Variants in SORBS2 observed in about 807,000 individuals in gnomAD.
SORBS2 encodes sorbin and SH3 domain containing 2, also known as sorbin and SH3 domain-containing protein 2.
A neutral mutation model predicts 97.7 loss-of-function variants in SORBS2; 46 were observed. The observed-to-expected ratio is 0.47, with a 90% CI of 0.37 to 0.60. The LOEUF (loss-of-function observed/expected upper bound fraction) is 0.60. Ranked by LOEUF, SORBS2 falls within the 20% of genes least tolerant of loss-of-function variation. The pLI is 0.00. For missense variants in SORBS2, 1,316 were observed against 1,282.3 expected, an observed-to-expected ratio of 1.03 and a Z score of -0.40; for synonymous variants, 476 against 473.4, an observed-to-expected ratio of 1.01 and a Z score of -0.07.
chr4:185,600,635 G>C (rs536810425), intron 12 of SORBS2, among the ~76,000 whole-genome samples: 2 of 152,122 alleles, frequency 1.3e-5, no homozygotes, highest in Non-Finnish European at 2.9e-5. Flanking sequence ...CACTGCGCCC[G>C]GCCAAGAAAT....
chr4:185,863,435 T>A (rs2099225019), intron 1 of SORBS2, among the ~76,000 whole-genome samples: 1 of 152,248 alleles, frequency 6.6e-6, no homozygotes, highest in Non-Finnish European at 1.5e-5. Flanking sequence ...CTATCTCCAA[T>A]TCAATATACT....
chr4:185,951,613 G>T (rs2099277265), intron 1 of SORBS2, among the ~76,000 whole-genome samples: 1 of 151,668 alleles, frequency 6.6e-6, no homozygotes, highest in Non-Finnish European at 1.5e-5. Flanking sequence ...ACTTGCTTGG[G>T]CATAAACACA....
At chr4:185,864,939 C>G (rs921491745) in intron 1 of SORBS2, among the ~76,000 whole-genome samples, 2 of 149,464 alleles carry the variant, frequency 1.3e-5, no homozygotes, top group Admixed American at 6.6e-5. Flanking sequence ...AAAAGCATAT[C>G]CTGGACGGTG....
At chr4:185,925,934 G>T (rs540619268) in intron 1 of SORBS2, among the ~76,000 whole-genome samples, 68 of 152,356 alleles carry the variant, frequency 4.5e-4, no homozygotes, top group Middle Eastern at 3.4e-3. Flanking sequence ...AAGCTGAGAG[G>T]TCAAAGATAA....
chr4:185,690,841 G>GT (rs1483685339), intron 2 of SORBS2, among the ~76,000 whole-genome samples: 19 of 151,956 alleles, frequency 1.3e-4, no homozygotes, highest in Admixed American at 5.2e-4. Context: ...TTATGCTTTT[G>GT]TTTAATGGTG....
At chr4:185,934,375 A>G (rs1487056131) in intron 1 of SORBS2, among the ~76,000 whole-genome samples, 2 of 152,224 alleles carry the variant, frequency 1.3e-5, no homozygotes, top group African/African-American at 4.8e-5. Context: ...CAGAATGAAG[A>G]CACCCTTCTA....
At chr4:185,869,490 C>T (rs536637427) in intron 1 of SORBS2, among the ~76,000 whole-genome samples, 1 of 152,342 alleles carries the variant, frequency 6.6e-6, no homozygotes, top group East Asian at 1.9e-4. Flanking sequence ...TTGGCTCCTA[C>T]CAGATGGCTG....
chr4:185,918,861 T>C (rs558707314), intron 1 of SORBS2, among the ~76,000 whole-genome samples: 2 of 152,336 alleles, frequency 1.3e-5, no homozygotes, highest in African/African-American at 4.8e-5. Flanking sequence ...GATTTACAGT[T>C]TCCACGTATG....
intron 1 of SORBS2, among the ~76,000 whole-genome samples, chr4:185,818,235 G>C (rs1458719243): frequency 1.3e-5 from 2 of 152,146 alleles, no homozygotes; most frequent in African/African-American, 2.4e-5. Context: ...TGTCGTCCAG[G>C]CTGGAGTGCA....
At chr4:185,740,696 A>C (rs1336462706) in intron 2 of SORBS2, among the ~76,000 whole-genome samples, 1 of 152,072 alleles carries the variant, frequency 6.6e-6, no homozygotes. Flanking sequence ...AACTCAGCCC[A>C]ACATTAACTC....
intron 1 of SORBS2, among the ~76,000 whole-genome samples, chr4:185,913,220 G>A (rs1345352584): frequency 6.6e-6 from 1 of 152,158 alleles, no homozygotes; most frequent in African/African-American, 2.4e-5. Context: ...GTTATGTCCT[G>A]TTACATAAAC....
intron 2 of SORBS2, among the ~76,000 whole-genome samples, chr4:185,739,312 A>G (rs1329078005): frequency 6.6e-6 from 1 of 152,258 alleles, no homozygotes; most frequent in African/African-American, 2.4e-5. Flanking sequence ...TAATAGCTAT[A>G]CACCTAAAAT....
intron 1 of SORBS2, among the ~76,000 whole-genome samples, chr4:185,846,959 G>A (rs1362116363): frequency 6.6e-6 from 1 of 152,118 alleles, no homozygotes; most frequent in African/African-American, 2.4e-5. Context: ...AACACCTTTG[G>A]TAGATGAGGA....
chr4:185,914,948 C>A (rs1348130847), intron 1 of SORBS2, among the ~76,000 whole-genome samples: 1 of 152,170 alleles, frequency 6.6e-6, no homozygotes, highest in Non-Finnish European at 1.5e-5. Flanking sequence ...TGGGTTATGT[C>A]TAATGGATTT....
intron 4 of SORBS2, among the ~76,000 whole-genome samples, chr4:185,637,027 G>C (rs921823814): frequency 6.6e-6 from 1 of 152,230 alleles, no homozygotes; most frequent in Admixed American, 6.5e-5. Context: ...CTGGGGATTA[G>C]AGAAGCTGTG....
chr4:185,827,202 CACCATCATCACCAT>C, intron 1 of SORBS2, among the ~76,000 whole-genome samples: 2 of 125,134 alleles, frequency 1.6e-5, no homozygotes, highest in East Asian at 2.0e-4. Context: ...TCATCATCAT[CACCATCATCACCAT>C]CATCACCATC....
intron 1 of SORBS2, among the ~76,000 whole-genome samples, chr4:185,840,264 C>A (rs2099210685): frequency 1.3e-5 from 2 of 152,184 alleles, no homozygotes; most frequent in Non-Finnish European, 2.9e-5. Flanking sequence ...GAAAGGCAAC[C>A]TCACACAAAT....
At chr4:185,770,525 A>G (rs2098964163) in intron 2 of SORBS2, among the ~76,000 whole-genome samples, 1 of 152,190 alleles carries the variant, frequency 6.6e-6, no homozygotes, top group Non-Finnish European at 1.5e-5. Context: ...TATTTCAGAG[A>G]AAAACATAAT....
intron 2 of SORBS2, among the ~76,000 whole-genome samples, 165 bp downstream of exon 4, chr4:185,690,397 G>A (rs6823677): frequency 0.2 from 30,191 of 152,164 alleles, 3,034 homozygotes; most frequent in African/African-American, 0.22. Flanking sequence ...GGCTATAAGA[G>A]TGGGGCACAA....
Sources: allele counts gnomAD v4.1 joint callset (sites outside exome capture counted in the v4.1 genomes callset), GRCh38; gene constraint gnomAD v4.1.1; transcripts MANE v1.5; gene names NCBI Gene and HGNC (gene_info 2026-07-23, HGNC 2026-07-21).